FHIT: variants seen among roughly 807,000 people sequenced by gnomAD.
FHIT encodes bis(5'-adenosyl)-triphosphatase.
In FHIT, 19 loss-of-function variants were observed where a neutral mutation model predicts 17.9. That is an observed-to-expected ratio of 1.06 (90% CI 0.74 to 1.56). The LOEUF (loss-of-function observed/expected upper bound fraction) is 1.56, where lower values mean the gene tolerates loss of function less well. Among genes scored for constraint, FHIT ranks in the 40% most tolerant of loss-of-function variants. FHIT has a pLI of 0.00. For missense variants in FHIT, 248 were observed against 189.2 expected (o/e 1.31, Z -1.82); for synonymous variants, 81 against 69.7 (o/e 1.16, Z -0.81).
chr3:60,210,895 T>C (rs1315891974), intron 5 of FHIT, among the ~76,000 whole-genome samples: 2 of 152,208 alleles, frequency 1.3e-5, no homozygotes, highest in African/African-American at 4.8e-5. Context: ...ATTGCACTTC[T>C]GGGAGTCTAT....
intron 3 of FHIT, among the ~76,000 whole-genome samples, chr3:60,882,693 T>A (rs182952406): frequency 6.6e-6 from 1 of 151,988 alleles, no homozygotes; most frequent in East Asian, 1.9e-4. Flanking sequence ...CTGAACAAAC[T>A]AAGTATAGAA....
chr3:60,970,334 C>G (rs995044547), intron 3 of FHIT, among the ~76,000 whole-genome samples: 1 of 152,048 alleles, frequency 6.6e-6, no homozygotes, highest in African/African-American at 2.4e-5. Context: ...CTTTTTACAA[C>G]TTTGAATCTT....
At chr3:60,873,337 T>A (rs782811345) in intron 3 of FHIT, among the ~76,000 whole-genome samples, 7 of 152,164 alleles carry the variant, frequency 4.6e-5, no homozygotes, top group Non-Finnish European at 8.8e-5. Context: ...AAGACACACA[T>A]GTAAAGTTGG....
chr3:60,544,281 G>C (rs1012164167), intron 4 of FHIT, among the ~76,000 whole-genome samples: 1 of 151,472 alleles, frequency 6.6e-6, no homozygotes, highest in Non-Finnish European at 1.5e-5. Context: ...GTCTACTCTA[G>C]GTTTTTAATA....
chr3:59,776,327 G>C (rs1702313462), intron 8 of FHIT, among the ~76,000 whole-genome samples: 1 of 152,222 alleles, frequency 6.6e-6, no homozygotes, highest in Non-Finnish European at 1.5e-5. Context: ...CTCTTCAGTG[G>C]AGGTGACAGC....
chr3:59,877,780 A>G (rs1703230554), intron 8 of FHIT, among the ~76,000 whole-genome samples: 1 of 152,258 alleles, frequency 6.6e-6, no homozygotes, highest in Non-Finnish European at 1.5e-5. Flanking sequence ...GTTTCCTATA[A>G]GAATACTAGC....
chr3:60,601,263 C>G (rs782671940), intron 4 of FHIT, among the ~76,000 whole-genome samples: 6 of 152,144 alleles, frequency 3.9e-5, no homozygotes, highest in Non-Finnish European at 5.9e-5. Flanking sequence ...CATTTCCTAC[C>G]GCAGTGGCTT....
chr3:60,420,199 C>T (rs968500776), intron 5 of FHIT, among the ~76,000 whole-genome samples: 1 of 152,124 alleles, frequency 6.6e-6, no homozygotes, highest in Non-Finnish European at 1.5e-5. Flanking sequence ...GGCCATCATG[C>T]TTTGCATATT....
chr3:60,944,819 G>A (rs2107434857), intron 3 of FHIT, among the ~76,000 whole-genome samples: 1 of 152,264 alleles, frequency 6.6e-6, no homozygotes, highest in South Asian at 2.1e-4. Context: ...GCCAAATTAA[G>A]AGTCTTTGCC....
Position 61,065,268 on chromosome 3 carries a change from AAC to A in FHIT, c.-163-23171_-163-23170del, listed in dbSNP as rs57357848. On this transcript the variant is annotated intron_variant, in intron 2 of 9. Transcript: ENST00000492590. ...GGCTTCTATCTCACGAGTCATTTTCAACACACACACACACACACACACACACA... is the reference window on the plus strand; with the variant it reads ...GGCTTCTATCTCACGAGTCATTTTCAACACACACACACACACACACACACA... Among the ~76,000 whole-genome samples the A allele has an allele frequency of 8.2e-4, 121 of 148,414 alleles. No individual in the cohort carries two copies. The East Asian group carries it at 0.012, about 15-fold the overall frequency.
chr3:60,140,121 GA>G lies in FHIT; in HGVS notation c.104-125970del, dbSNP rs200829171. Among the ~76,000 whole-genome samples, 153 of 142,930 alleles carry G rather than the reference GA, an allele frequency of 1.1e-3. 2 individuals carry two copies. In the East Asian group the frequency reaches 0.012, roughly 11 times the overall value. 93.8% of individuals were successfully genotyped at this position (142,930 alleles called of 152,430 possible). A position where few individuals can be genotyped will look rare whatever the true frequency, so the allele number is the denominator to read the frequency against. On this transcript the variant is annotated intron_variant, in intron 5 of 9. Transcript: ENST00000492590. The stretch of plus-strand genomic sequence containing the variant: ...GGGCAACATAGTGAGATTCCATCTC[GA>G]AAAAAAAAAAATTGGTTAATTGTAG...
intron 4 of FHIT, among the ~76,000 whole-genome samples, chr3:60,616,389 G>T (rs1021738469): frequency 1.8e-4 from 28 of 152,272 alleles, no homozygotes; most frequent in Middle Eastern, 6.8e-3. Flanking sequence ...ATGTGCACAG[G>T]TGTGCTGAAA....
chr3:61,176,636 G>C (rs1386670563), intron 2 of FHIT, among the ~76,000 whole-genome samples: 1 of 152,138 alleles, frequency 6.6e-6, no homozygotes, highest in African/African-American at 2.4e-5. Context: ...CAATTTCACA[G>C]CTAATTCCAA....
chr3:61,207,865 G>C (rs1030771099), intron 1 of FHIT, among the ~76,000 whole-genome samples: 1 of 144,522 alleles, frequency 6.9e-6, no homozygotes, highest in Non-Finnish European at 1.6e-5. Flanking sequence ...TGCTAGTGTT[G>C]AGTGTTGCTC....
chr3:60,851,352 T>TTTAC (rs1196298331), intron 3 of FHIT, among the ~76,000 whole-genome samples: 1 of 152,080 alleles, frequency 6.6e-6, no homozygotes, highest in Admixed American at 6.6e-5. Flanking sequence ...TTGGTGTGAA[T>TTTAC]TTACTAGGCA....
intron 4 of FHIT, among the ~76,000 whole-genome samples, chr3:60,698,044 G>A (rs1385775022): frequency 2.0e-5 from 3 of 152,168 alleles, no homozygotes; most frequent in African/African-American, 4.8e-5. Context: ...CACTCTGAGC[G>A]ATAATTATGG....
intron 2 of FHIT, among the ~76,000 whole-genome samples, chr3:61,045,071 C>T (rs998230337): frequency 6.6e-6 from 1 of 152,176 alleles, no homozygotes; most frequent in African/African-American, 2.4e-5. Flanking sequence ...GAAACTGCAT[C>T]AACTAAGAAG....
chr3:59,917,989 C>T (rs1363603658), intron 8 of FHIT, among the ~76,000 whole-genome samples: 1 of 152,170 alleles, frequency 6.6e-6, no homozygotes. Flanking sequence ...GCTAACCTTT[C>T]CAGAGTACCA....
At chr3:59,904,172 T>G (rs1704472371) in intron 8 of FHIT, among the ~76,000 whole-genome samples, 1 of 144,356 alleles carries the variant, frequency 6.9e-6, no homozygotes, top group South Asian at 2.2e-4. Context: ...AAAATCTCCC[T>G]TCCTCCTTCA....
Sources: allele counts gnomAD v4.1 joint callset (sites outside exome capture counted in the v4.1 genomes callset), GRCh38; gene constraint gnomAD v4.1.1; transcripts MANE v1.5; gene names NCBI Gene and HGNC (gene_info 2026-07-23, HGNC 2026-07-21).